COL24A1: variants seen among roughly 807,000 people sequenced by gnomAD.
COL24A1 encodes collagen type XXIV alpha 1 chain.
A neutral mutation model predicts 253.9 loss-of-function variants in COL24A1; 224 were observed. The ratio of observed to expected loss-of-function variants is 0.88; its 90% CI spans 0.79 to 0.99. The LOEUF (loss-of-function observed/expected upper bound fraction) is 0.99, where lower values mean the gene tolerates loss of function less well. Among genes scored for constraint, COL24A1 ranks in the 50% least tolerant of loss-of-function variants. COL24A1 has a pLI of 0.00. For synonymous variants in COL24A1, 685 were observed against 673.7 expected (o/e 1.02, Z -0.26); for missense variants, 2,131 against 2,068.5 (o/e 1.03, Z -0.59).
intron 10 of COL24A1, among the ~76,000 whole-genome samples, chr1:86,057,104 C>T (rs922538064): frequency 8.5e-5 from 13 of 152,098 alleles, no homozygotes; most frequent in African/African-American, 2.7e-4. Context: ...GATTGGGGGG[C>T]GGATCCCTCG....
chr1:85,961,784 G>A (rs1691095074), intron 23 of COL24A1, among the ~76,000 whole-genome samples: 1 of 152,176 alleles, frequency 6.6e-6, no homozygotes, highest in African/African-American at 2.4e-5. Flanking sequence ...GAGCAGGAGA[G>A]AGTGAGAGCA....
In COL24A1 at chr1:85,737,358, C is replaced by A. The variant is rs766414276; in HGVS notation, c.4782+38G>T. On this transcript the variant is annotated intron_variant, in intron 58 of 59. Transcript: ENST00000370571. ...AACATAATTTTTCACTGATACTGTG[C>A]AATATAACGACATGTGTTCTAAAAT... The A allele has an allele frequency of 3.1e-5, 39 of 1,263,652 alleles. No individual in the cohort carries two copies. The Admixed American group carries it at 6.6e-4, about 21-fold the overall frequency. 78.3% of individuals were successfully genotyped at this position (1,263,652 alleles called of 1,614,324 possible).
At chr1:85,899,106 A>C (rs533154031) in intron 28 of COL24A1, among the ~76,000 whole-genome samples, 1 of 152,278 alleles carries the variant, frequency 6.6e-6, no homozygotes, top group South Asian at 2.1e-4. Context: ...AATCACCCTC[A>C]ACCCTCAAGA....
intron 53 of COL24A1, among the ~76,000 whole-genome samples, chr1:85,769,250 T>C (rs1667707700): frequency 6.6e-6 from 1 of 152,062 alleles, no homozygotes; most frequent in Admixed American, 6.6e-5. Context: ...AGTTAAAATG[T>C]TTGTGTCTTC....
intron 19 of COL24A1, among the ~76,000 whole-genome samples, chr1:86,015,290 C>T (rs763093014): frequency 5.3e-5 from 8 of 152,136 alleles, no homozygotes; most frequent in Non-Finnish European, 8.8e-5. Flanking sequence ...AAACTTAATA[C>T]AGGTGAAGAG....
chr1:85,903,168 GTGA>G (rs1406239628), intron 28 of COL24A1, among the ~76,000 whole-genome samples: 1 of 152,182 alleles, frequency 6.6e-6, no homozygotes, highest in African/African-American at 2.4e-5. Context: ...TGTGCCCACA[GTGA>G]TGATAACCAC....
rs1300249941 is a variant in COL24A1, at chr1:85,879,549, CTG to C, written c.2977-2376_2977-2375del. On this transcript the variant is annotated intron_variant, in intron 32 of 59. Transcript: ENST00000370571. ...GCCAACCTCCTGCAGAGTTAAAAAT[CTG>C]AGTACAACTTTTGACTCCTCCAAAA... Among the ~76,000 whole-genome samples the C allele has an allele frequency of 2.0e-5, 3 of 152,128 alleles. No homozygotes were observed. In the East Asian group the frequency reaches 5.8e-4, roughly 29 times the overall value.
At position 85,946,808 on chromosome 1, in the gene COL24A1, T is replaced by G. The variant is rs78707552; in HGVS notation, c.2562+14441A>C. Among the ~76,000 whole-genome samples, 172 of 152,346 alleles carry G rather than the reference T, an allele frequency of 1.1e-3. 3 individuals are homozygous for G. In the East Asian group the frequency reaches 0.027, roughly 24 times the overall value. ...TTTAATGAAAAGCACCTCATTTTTA[T>G]ATGGCAGTTTGTTTAATTTTCAATA... On this transcript the variant is annotated intron_variant, in intron 24 of 59. Coordinates refer to ENST00000370571, the MANE Select transcript of COL24A1 (RefSeq NM_152890.7).
intron 7 of COL24A1, among the ~76,000 whole-genome samples, chr1:86,080,486 A>G (rs912244374): frequency 1.3e-5 from 2 of 152,116 alleles, no homozygotes; most frequent in African/African-American, 4.8e-5. Context: ...TGGATATCCA[A>G]TTTTCCATGA....
chr1:86,088,647 T>G (rs1174650762), intron 7 of COL24A1, among the ~76,000 whole-genome samples: 4 of 152,168 alleles, frequency 2.6e-5, no homozygotes. Flanking sequence ...CTCACGTCAC[T>G]TCCATCCTAC....
chr1:86,130,432 T>G (rs1214976684), intron 2 of COL24A1, among the ~76,000 whole-genome samples: 2 of 151,930 alleles, frequency 1.3e-5, no homozygotes, highest in African/African-American at 4.8e-5. Flanking sequence ...CTATGTAGTT[T>G]GTTTCCTTTG....
chr1:85,903,465 G>A (rs1271339721), intron 28 of COL24A1, among the ~76,000 whole-genome samples: 1 of 152,152 alleles, frequency 6.6e-6, no homozygotes, highest in Non-Finnish European at 1.5e-5. Context: ...CAGGCTGTAA[G>A]AAAGTCAAAT....
At chr1:86,133,772 T>C (rs1368702470) in intron 2 of COL24A1, among the ~76,000 whole-genome samples, 2 of 151,342 alleles carry the variant, frequency 1.3e-5, no homozygotes, top group South Asian at 2.1e-4. Flanking sequence ...TTGAGGATGT[T>C]TGCATTGATG....
chr1:85,780,240 A>G lies in COL24A1; in HGVS notation c.4338+980T>C, dbSNP rs527977936. On this transcript the variant is annotated intron_variant, in intron 52 of 59. Coordinates refer to ENST00000370571, the MANE Select transcript of COL24A1 (RefSeq NM_152890.7). The stretch of plus-strand genomic sequence containing the variant: ...TTTCTTCTCTAAATTTATCAAAGAG[A>G]ATAGTGGTACTAAACACTTGAAGCA... Among the ~76,000 whole-genome samples, 408 of 152,322 alleles carry G rather than the reference A, an allele frequency of 2.7e-3. 1 individual carries two copies. The highest frequency in any genetic ancestry group is 9.1e-3 in the African/African-American group (377 of 41,592).
intron 7 of COL24A1, among the ~76,000 whole-genome samples, chr1:86,066,863 C>T (rs891031824): frequency 2.0e-5 from 3 of 152,066 alleles, no homozygotes; most frequent in African/African-American, 2.4e-5. Context: ...GAAGGCCGGG[C>T]GCAATGGCTC....
intron 37 of COL24A1, among the ~76,000 whole-genome samples, chr1:85,854,569 T>A (rs756798539): frequency 2.6e-5 from 4 of 152,206 alleles, no homozygotes; most frequent in Non-Finnish European, 5.9e-5. Flanking sequence ...TATGGCCATT[T>A]TACCAATATT....
intron 37 of COL24A1, among the ~76,000 whole-genome samples, chr1:85,856,528 C>T (rs776720063): frequency 7.9e-5 from 12 of 152,010 alleles, no homozygotes; most frequent in Non-Finnish European, 1.5e-4. Flanking sequence ...CTAATGATTC[C>T]CTAATTATAT....
intron 24 of COL24A1, among the ~76,000 whole-genome samples, chr1:85,959,875 A>T (rs1690843215): frequency 6.6e-6 from 1 of 152,166 alleles, no homozygotes; most frequent in Non-Finnish European, 1.5e-5. Flanking sequence ...TGCCAACTTT[A>T]TATATATTTC....
At chr1:85,972,002 C>A (rs1304187022) in intron 20 of COL24A1, among the ~76,000 whole-genome samples, 1 of 152,096 alleles carries the variant, frequency 6.6e-6, no homozygotes, top group Non-Finnish European at 1.5e-5. Flanking sequence ...TGTTAAAAAT[C>A]GATTGCTCTC....
Sources: gnomAD v4.1 joint callset for allele counts (sites outside exome capture counted in the v4.1 genomes callset) on GRCh38, gnomAD v4.1.1 for gene constraint, MANE v1.5 for transcripts, NCBI Gene and HGNC (gene_info 2026-07-23, HGNC 2026-07-21) for gene names.